PRDM5: variants seen among roughly 807,000 people sequenced by gnomAD.
PRDM5 encodes the protein PR domain zinc finger protein 5.
In PRDM5, 56 loss-of-function variants were observed where a neutral mutation model predicts 81.2. That is an observed-to-expected ratio of 0.69 (90% CI 0.56 to 0.86). The LOEUF is 0.86. PRDM5 is among the 40% of genes least tolerant of loss of function. The pLI, the probability that PRDM5 is intolerant of heterozygous loss-of-function variation, is 0.00. For synonymous variants in PRDM5, 267 were observed against 256.4 expected, an observed-to-expected ratio of 1.04 and a Z score of -0.39; for missense variants, 697 against 770.1, an observed-to-expected ratio of 0.91 and a Z score of 1.12.
In PRDM5 at chr4:120,774,990, G is replaced by GTA. The variant is rs909276850; in HGVS notation, c.1537+2196_1537+2197dup. ...TATATGTGTGTGTATATGTATATGT[G>GTA]TATATATATATACACAAACACATAT... On this transcript the variant is annotated intron_variant, in intron 13 of 15. Transcript: ENST00000264808. Among the ~76,000 whole-genome samples, 158 of 147,826 alleles carry GTA rather than the reference G, an allele frequency of 1.1e-3. 1 individual carries two copies. The highest frequency in any genetic ancestry group is 1.4e-3 in the Non-Finnish European group (96 of 67,068).
intron 14 of PRDM5, among the ~76,000 whole-genome samples, chr4:120,742,027 T>C (rs1278223412): frequency 1.3e-5 from 2 of 152,344 alleles, no homozygotes; most frequent in South Asian, 4.1e-4. Flanking sequence ...TAAATGTCCC[T>C]GTCTGACAGC....
chr4:120,772,400 C>T (rs1353654620), intron 13 of PRDM5, among the ~76,000 whole-genome samples: 2 of 152,186 alleles, frequency 1.3e-5, no homozygotes, highest in Non-Finnish European at 2.9e-5. Context: ...CAGTCATAAA[C>T]ATAATATCAG....
At chr4:120,918,454 C>T (rs1724475114) in intron 1 of PRDM5, among the ~76,000 whole-genome samples, 1 of 152,194 alleles carries the variant, frequency 6.6e-6, no homozygotes, top group Non-Finnish European at 1.5e-5. Flanking sequence ...CCTTATCCCA[C>T]AAAGTCTGCT....
At chr4:120,867,194 G>C (rs1019105933) in intron 2 of PRDM5, among the ~76,000 whole-genome samples, 10 of 151,974 alleles carry the variant, frequency 6.6e-5, no homozygotes, top group African/African-American at 2.4e-4. Flanking sequence ...CCACTACCTT[G>C]ATCTGGCCTT....
chr4:120,837,595 T>C (rs1368798774), intron 3 of PRDM5: 2 of 152,196 alleles, frequency 1.3e-5, no homozygotes, highest in African/African-American at 4.8e-5. Flanking sequence ...AAGTTTAATA[T>C]AAAAATATAA....
downstream of PRDM5, among the ~76,000 whole-genome samples, chr4:120,687,315 G>C (rs951046091): frequency 4.6e-5 from 7 of 151,796 alleles, no homozygotes; most frequent in Admixed American, 3.9e-4. Context: ...TGCCTTCCCT[G>C]GTTGTTACAT....
intron 14 of PRDM5, among the ~76,000 whole-genome samples, chr4:120,719,777 C>T (rs79678270): frequency 0.068 from 10,390 of 152,190 alleles, 423 homozygotes; most frequent in South Asian, 0.099. Flanking sequence ...CTATTCTCTG[C>T]TTCTGTAGAT....
At chr4:120,823,226 G>A (rs1023006234) in intron 3 of PRDM5, among the ~76,000 whole-genome samples, 3 of 152,268 alleles carry the variant, frequency 2.0e-5, no homozygotes, top group African/African-American at 7.2e-5. Context: ...ACCAAGGAAA[G>A]ATAATAATTT....
chr4:120,741,568 G>A (rs887305134), intron 14 of PRDM5, among the ~76,000 whole-genome samples: 9 of 151,854 alleles, frequency 5.9e-5, no homozygotes, highest in Non-Finnish European at 8.8e-5. Flanking sequence ...CAGTGGGTGC[G>A]CGCACTGTGC....
At chr4:120,747,032 C>G (rs1743199785) in intron 14 of PRDM5, among the ~76,000 whole-genome samples, 1 of 145,960 alleles carries the variant, frequency 6.9e-6, no homozygotes, top group Non-Finnish European at 1.5e-5. Context: ...TTGGAACCAA[C>G]CCAAATGTCC....
chr4:120,879,289 G>A (rs1363148468), intron 2 of PRDM5, among the ~76,000 whole-genome samples: 1 of 152,170 alleles, frequency 6.6e-6, no homozygotes, highest in African/African-American at 2.4e-5. Flanking sequence ...AAGACAATCT[G>A]AAAGGGCTAC....
At chr4:120,703,325 A>G (rs1460529025) in intron 15 of PRDM5, among the ~76,000 whole-genome samples, 1 of 152,094 alleles carries the variant, frequency 6.6e-6, no homozygotes, top group Non-Finnish European at 1.5e-5. Context: ...AGCTGAGACT[A>G]CAAGTGTGTG....
chr4:120,744,315 A>G (rs2149119584), intron 14 of PRDM5, among the ~76,000 whole-genome samples: 1 of 152,340 alleles, frequency 6.6e-6, no homozygotes, highest in South Asian at 2.1e-4. Flanking sequence ...CTAAATGCCC[A>G]CAAGAGAAAG....
chr4:120,763,640 A>G (rs1745954636), intron 13 of PRDM5, among the ~76,000 whole-genome samples: 1 of 152,162 alleles, frequency 6.6e-6, no homozygotes. Context: ...TTTATCATTG[A>G]TGTGGTTTTG....
Position 120,774,622 on chromosome 4 carries a change from G to A in PRDM5, c.1537+2566C>T, listed in dbSNP as rs116603649. On this transcript the variant is annotated intron_variant, in intron 13 of 15. Transcript: ENST00000264808. ...AGGAAAACAAATTTGTGCCAGGGCC[G>A]TTATGGAGGCCCAGATGCCAGCCAC... Among the ~76,000 whole-genome samples the A allele has an allele frequency of 3.1e-3, 466 of 152,238 alleles. 3 individuals are homozygous for A. The highest frequency in any genetic ancestry group is 0.011 in the African/African-American group (459 of 41,548).
chr4:120,840,827 T>C (rs1757948359), intron 3 of PRDM5, among the ~76,000 whole-genome samples: 1 of 152,166 alleles, frequency 6.6e-6, no homozygotes, highest in Non-Finnish European at 1.5e-5. Flanking sequence ...CTGCAGTGGC[T>C]GGCATGATGG....
chr4:120,701,827 G>GA (rs1031263301), intron 15 of PRDM5, among the ~76,000 whole-genome samples: 11 of 147,836 alleles, frequency 7.4e-5, no homozygotes, highest in Middle Eastern at 3.4e-3. Context: ...AATAGAAATT[G>GA]AAAAAAAAAT....
At chr4:120,756,967 C>T (rs1444153256) in intron 13 of PRDM5, among the ~76,000 whole-genome samples, 4 of 152,092 alleles carry the variant, frequency 2.6e-5, no homozygotes, top group African/African-American at 7.2e-5. Context: ...CATAGCTTTA[C>T]GTCTGGTTTT....
rs375738692 is a variant in PRDM5 at position 120,797,148 on chromosome 4, AAAG to A, written c.1188+1116_1188+1118del. Among the ~76,000 whole-genome samples, 111 of 152,288 alleles carry A rather than the reference AAAG, an allele frequency of 7.3e-4. 2 individuals are homozygous for A. The highest frequency in any genetic ancestry group is 2.6e-3 in the African/African-American group (108 of 41,584). On this transcript the variant is annotated intron_variant, in intron 10 of 15. Coordinates refer to ENST00000264808, the MANE Select transcript of PRDM5 (RefSeq NM_018699.4). The stretch of plus-strand genomic sequence containing the variant: ...GACACTATATTAATAACTTGAAGAG[AAAG>A]AAGAAGGTAGAGAGGTCACACAGAA...
Sources: gnomAD v4.1 joint callset for allele counts (sites outside exome capture counted in the v4.1 genomes callset) on GRCh38, gnomAD v4.1.1 for gene constraint, MANE v1.5 for transcripts, NCBI Gene and HGNC (gene_info 2026-07-23, HGNC 2026-07-21) for gene names.